The following PPP1R13B variants were observed in gnomAD, a reference collection of about 807,000 sequenced individuals.
The protein encoded by PPP1R13B is apoptosis-stimulating of p53 protein 1.
A neutral mutation model predicts 119.8 loss-of-function variants in PPP1R13B; 44 were observed. The ratio of observed to expected loss-of-function variants is 0.37; its 90% CI spans 0.29 to 0.47. PPP1R13B has a LOEUF of 0.47. PPP1R13B is among the 20% of genes least tolerant of loss of function. The probability of loss-of-function intolerance (pLI) is 0.99; values close to 1 mark genes in which losing one functional copy is unlikely to be tolerated. For synonymous variants in PPP1R13B, 542 were observed against 561.5 expected (o/e 0.97, Z 0.49); for missense variants, 1,227 against 1,413.5 (o/e 0.87, Z 2.12).
At chr14:103,838,034 G>A (rs1010988782) in intron 1 of PPP1R13B, among the ~76,000 whole-genome samples, 30 of 152,242 alleles carry the variant, frequency 2.0e-4, no homozygotes, top group African/African-American at 6.3e-4. Context: ...CAGAAGAATC[G>A]CTTGAACCTA....
At chr14:103,787,077 T>C (rs369686148) in intron 2 of PPP1R13B, among the ~76,000 whole-genome samples, 1 of 150,920 alleles carries the variant, frequency 6.6e-6, no homozygotes, top group African/African-American at 2.5e-5. Context: ...TGGTCTTGAA[T>C]TCCTGAACTC....
intron 6 of PPP1R13B, among the ~76,000 whole-genome samples, chr14:103,753,698 G>C (rs1269108075): frequency 6.6e-6 from 1 of 152,160 alleles, no homozygotes; most frequent in African/African-American, 2.4e-5. Context: ...AGGGCCGCTG[G>C]TACCAACGTA....
intron 1 of PPP1R13B, chr14:103,818,545 T>A: frequency 1.0e-6 from 1 of 960,902 alleles, no homozygotes; most frequent in Non-Finnish European, 1.2e-6. Context: ...CATACACCAG[T>A]TGATTTCGTC....
At chr14:103,801,557 C>T (rs775847385) in intron 1 of PPP1R13B, among the ~76,000 whole-genome samples, 5 of 152,130 alleles carry the variant, frequency 3.3e-5, no homozygotes, top group Admixed American at 2.0e-4. Flanking sequence ...ATCCCTTTAC[C>T]GCCTCCGCTC....
In PPP1R13B at chr14:103,734,557, G is replaced by A. The variant is rs1567075603; in HGVS notation, c.*597C>T. On this transcript the variant is annotated 3_prime_UTR_variant, in exon 17 of 17. Coordinates refer to ENST00000202556, the MANE Select transcript of PPP1R13B (RefSeq NM_015316.3). ...GCTGGGCCTGCACAATCAGCCTTTA[G>A]GTGAACTGGAACAGGAAGCGGAACC... The A allele has an allele frequency of 4.4e-6, 2 of 456,380 alleles. No homozygotes were observed. Among genetic ancestry groups the A allele is most frequent in the Admixed American group, 2.4e-5 (1 of 42,548 alleles). 28.3% of individuals were successfully genotyped at this position (456,380 alleles called of 1,614,324 possible). A position where few individuals can be genotyped will look rare whatever the true frequency, so the allele number is the denominator to read the frequency against.
At chr14:103,798,891 T>C (rs1278595124) in intron 1 of PPP1R13B, among the ~76,000 whole-genome samples, 2 of 152,044 alleles carry the variant, frequency 1.3e-5, no homozygotes, top group Non-Finnish European at 2.9e-5. Flanking sequence ...GGTATTGCCA[T>C]GCTGCCCAGG....
intron 1 of PPP1R13B, among the ~76,000 whole-genome samples, chr14:103,799,480 A>C (rs754405306): frequency 3.3e-5 from 5 of 150,236 alleles, no homozygotes; most frequent in Non-Finnish European, 7.4e-5. Context: ...GCCCAGCCTT[A>C]TTTTGTATTT....
At chr14:103,797,283 G>T in intron 2 of PPP1R13B, 88 bp downstream of exon 2, 1 of 1,392,960 alleles carries the variant, frequency 7.2e-7, no homozygotes, top group South Asian at 1.6e-5. Context: ...ATCTTTATCA[G>T]AAAAAAAGCA....
chr14:103,773,249 A>T (rs918824599), intron 4 of PPP1R13B, among the ~76,000 whole-genome samples: 1 of 152,194 alleles, frequency 6.6e-6, no homozygotes, highest in African/African-American at 2.4e-5. Context: ...AGAAATTAAG[A>T]GACAAGGAGA....
At position 103,754,083 on chromosome 14, in the gene PPP1R13B, C is replaced by G. The variant is rs762725424; in HGVS notation, c.618G>C (p.Met206Ile). The change falls in exon 6 of 17, where the codon ATG becomes ATC. Residue 206 changes from methionine (M) to isoleucine (I), a missense_variant. By Grantham distance (10) the Met-to-Ile change is conservative. Transcript: ENST00000202556. ...GCAGGCACGTACACAGATTGCCGTT[C>G]ATGATTTTGCTGTAGTCGACTTGTC... ...MRGQVDYSKI[M>I]NGNLSAEIER... 6.2e-7 allele frequency: 1 copy of G among 1,613,964 alleles called. No individual in the cohort carries two copies. The highest frequency in any genetic ancestry group is 1.1e-5 in the South Asian group (1 of 91,064).
intron 9 of PPP1R13B, among the ~76,000 whole-genome samples, chr14:103,743,104 C>T (rs150818376): frequency 1.3e-5 from 2 of 152,384 alleles, no homozygotes; most frequent in Non-Finnish European, 2.9e-5. Flanking sequence ...CAAGGCTCCA[C>T]TGGTGTGGGC....
At chr14:103,760,384 G>A (rs1380966391) in intron 4 of PPP1R13B, among the ~76,000 whole-genome samples, 3 of 151,774 alleles carry the variant, frequency 2.0e-5, no homozygotes, top group African/African-American at 4.8e-5. Flanking sequence ...CATCTAATAA[G>A]AAGAAGTCAA....
intron 1 of PPP1R13B, among the ~76,000 whole-genome samples, chr14:103,845,935 T>C (rs192179627): frequency 7.9e-5 from 12 of 152,328 alleles, no homozygotes; most frequent in Admixed American, 7.8e-4. Flanking sequence ...ACCATCACTT[T>C]TGGATACATC....
intron 2 of PPP1R13B, among the ~76,000 whole-genome samples, chr14:103,785,703 G>A (rs1343211441): frequency 1.3e-5 from 2 of 149,392 alleles, no homozygotes; most frequent in Non-Finnish European, 3.0e-5. Context: ...GGAGAGACGG[G>A]GTTTTACCAT....
chr14:103,841,364 G>T (rs2086904096), intron 1 of PPP1R13B, among the ~76,000 whole-genome samples: 1 of 151,986 alleles, frequency 6.6e-6, no homozygotes, highest in Non-Finnish European at 1.5e-5. Context: ...GAGGCGGGCA[G>T]ATCACTTGAA....
intron 4 of PPP1R13B, among the ~76,000 whole-genome samples, chr14:103,761,934 T>G (rs539821198): frequency 4.1e-4 from 62 of 152,350 alleles, no homozygotes; most frequent in Non-Finnish European, 7.6e-4. Flanking sequence ...CATGCTTGGA[T>G]AAACCCAAAA....
In PPP1R13B at chr14:103,825,972, G is replaced by A. The variant is rs1466529468; in HGVS notation, c.9+21327C>T. 2.0e-5 allele frequency among the ~76,000 whole-genome samples: 3 copies of A among 151,916 alleles called. No homozygotes were observed. The East Asian group carries it at 5.8e-4, about 29-fold the overall frequency. On this transcript the variant is annotated intron_variant, in intron 1 of 16. Coordinates refer to ENST00000202556, the MANE Select transcript of PPP1R13B (RefSeq NM_015316.3). ...TGATTCTCATGCCTCAGCCTCCAGA[G>A]TAGCTGAAATTACAGGTGCCCACCA...
At chr14:103,762,728 T>G in intron 4 of PPP1R13B, 1 of 646,974 alleles carries the variant, frequency 1.5e-6, no homozygotes, top group East Asian at 2.9e-5. Context: ...GCGGTGGCCG[T>G]GGGGGTGAGA....
chr14:103,837,159 T>C (rs1164604802), intron 1 of PPP1R13B, among the ~76,000 whole-genome samples: 3 of 152,138 alleles, frequency 2.0e-5, no homozygotes, highest in African/African-American at 7.2e-5. Flanking sequence ...AGAACCTTGG[T>C]CCAGTGGGCT....
Sources: allele counts gnomAD v4.1 joint callset (sites outside exome capture counted in the v4.1 genomes callset), GRCh38; gene constraint gnomAD v4.1.1; transcripts MANE v1.5; gene names NCBI Gene and HGNC (gene_info 2026-07-23, HGNC 2026-07-21).